AP2A2: variants seen among roughly 807,000 people sequenced by gnomAD.
AP2A2 encodes the protein AP-2 complex subunit alpha-2.
A neutral mutation model predicts 104.2 loss-of-function variants in AP2A2; 32 were observed. The observed-to-expected ratio is 0.31, with a 90% CI of 0.23 to 0.41. The LOEUF (loss-of-function observed/expected upper bound fraction) is 0.41, where lower values mean the gene tolerates loss of function less well. Ranked by LOEUF, AP2A2 falls within the 10% of genes least tolerant of loss-of-function variation. The pLI is 1.00. For missense variants in AP2A2, 912 were observed against 1,261.0 expected, an observed-to-expected ratio of 0.72 and a Z score of 4.19; for synonymous variants, 539 against 533.3, an observed-to-expected ratio of 1.01 and a Z score of -0.15.
chr11:955,620 T>G (rs1463500879), intron 1 of AP2A2, among the ~76,000 whole-genome samples: 1 of 152,198 alleles, frequency 6.6e-6, no homozygotes, highest in African/African-American at 2.4e-5. Flanking sequence ...CCTGGGACAG[T>G]GCTTGGGTCG....
At chr11:971,935 C>A in intron 3 of AP2A2, 127 bp from the exon 4 acceptor site, 1 of 880,544 alleles carries the variant, frequency 1.1e-6, no homozygotes, top group Non-Finnish European at 1.7e-6. Context: ...CACAGCAGTG[C>A]CCTGGGTGCG....
At chr11:943,894 A>G (rs762397046) in intron 1 of AP2A2, among the ~76,000 whole-genome samples, 2 of 148,562 alleles carry the variant, frequency 1.3e-5, no homozygotes, top group Non-Finnish European at 3.0e-5. Context: ...CTGGAGATGC[A>G]GGTGGCAGCG....
rs1855714584 is a variant in AP2A2 at position 993,038 on chromosome 11, C to T, written c.1453-246C>T. Among the ~76,000 whole-genome samples the T allele has an allele frequency of 6.6e-6, 1 of 152,214 alleles. No homozygotes were observed. Among genetic ancestry groups the T allele is most frequent in the Non-Finnish European group, 1.5e-5 (1 of 68,048 alleles). ...CATGAGGACGCTGGCAGAACCTCCC[C>T]AGCCAGAGCCTGTTGTGGATGCTGC... On this transcript the variant is annotated intron_variant, in intron 11 of 21. Coordinates refer to ENST00000448903, the MANE Select transcript of AP2A2 (RefSeq NM_012305.4). The surrounding 1 kb of genome is among the most constrained non-coding windows in gnomAD (Gnocchi z 8.2).
intron 8 of AP2A2, among the ~76,000 whole-genome samples, chr11:985,883 G>A (rs535685819): frequency 1.3e-5 from 2 of 152,230 alleles, no homozygotes; most frequent in African/African-American, 4.8e-5. Flanking sequence ...GAGAGGAGAC[G>A]GGTGGGGTGG....
At chr11:948,327 T>C (rs1853920634) in intron 1 of AP2A2, 1 of 152,226 alleles carries the variant, frequency 6.6e-6, no homozygotes, top group East Asian at 1.9e-4. Flanking sequence ...TGAATAATTG[T>C]GTAACAAAAT....
At chr11:988,776 A>G in intron 10 of AP2A2, 87 bp downstream of exon 10, 1 of 1,519,380 alleles carries the variant, frequency 6.6e-7, no homozygotes, top group South Asian at 1.2e-5. Context: ...GATTCCGTCC[A>G]GCAGGACTTG....
chr11:975,808 A>G (rs1166195863), intron 4 of AP2A2, among the ~76,000 whole-genome samples: 1 of 151,412 alleles, frequency 6.6e-6, no homozygotes, highest in African/African-American at 2.4e-5. Context: ...GTGTGAGCAG[A>G]TGCTGGAAAG....
At chr11:981,389 A>T (rs1415692986) in intron 6 of AP2A2, 90 bp downstream of exon 6, 3 of 1,171,838 alleles carry the variant, frequency 2.6e-6, no homozygotes, top group Non-Finnish European at 3.7e-6. Flanking sequence ...AAGGTATTTG[A>T]TCAGTTTATA....
chr11:937,205 A>G (rs1170227268), intron 1 of AP2A2, among the ~76,000 whole-genome samples: 1 of 151,874 alleles, frequency 6.6e-6, no homozygotes, highest in Non-Finnish European at 1.5e-5. Flanking sequence ...TCTTGAGTAG[A>G]GACGGGGTTT....
intron 18 of AP2A2, 120 bp downstream of exon 18, chr11:1,008,255 CGGT>C: frequency 7.3e-7 from 1 of 1,362,024 alleles, no homozygotes; most frequent in Non-Finnish European, 9.7e-7. Flanking sequence ...CGGGTGCTCA[CGGT>C]GCATGGATGC....
chr11:987,236 G>A (rs371543983), intron 9 of AP2A2, among the ~76,000 whole-genome samples: 14 of 152,252 alleles, frequency 9.2e-5, no homozygotes, highest in Admixed American at 3.3e-4. Flanking sequence ...GCCATCCTGC[G>A]CGTGCATAGT....
chr11:982,000 G>A (rs1564807374), intron 6 of AP2A2, among the ~76,000 whole-genome samples: 1 of 152,286 alleles, frequency 6.6e-6, no homozygotes, highest in Admixed American at 6.5e-5. Flanking sequence ...CGTAGTGCTA[G>A]TCTCTTGGGT....
In AP2A2 at chr11:993,680, C is replaced by T. The variant is rs1590005290; in HGVS notation, c.1551-74C>T. ...GCAGGCCAGGGGGTCTCGCCGCCGT[C>T]CCCCCCCCGCGGGGGCGTGCTGCAG... is the stretch of plus-strand genomic sequence containing the variant. On this transcript the variant is annotated intron_variant, in intron 12 of 21. Coordinates refer to ENST00000448903, the MANE Select transcript of AP2A2 (RefSeq NM_012305.4). This position sits in a 1 kb window ranked among gnomAD's most constrained non-coding sequence, Gnocchi z 8.2. 5.3e-6 allele frequency: 5 copies of T among 952,210 alleles called. No homozygotes were observed. Among genetic ancestry groups the T allele is most frequent in the South Asian group, 1.9e-5 (1 of 51,344 alleles). The allele number at this position is 952,210 out of a possible 1,614,324, so 59.0% of individuals were successfully genotyped here. A position where few individuals can be genotyped will look rare whatever the true frequency, so the allele number is the denominator to read the frequency against.
chr11:931,223 A>T (rs1853282251), intron 1 of AP2A2, among the ~76,000 whole-genome samples: 1 of 152,228 alleles, frequency 6.6e-6, no homozygotes. Context: ...AGCAAAAGAT[A>T]CCGAGAAAAC....
At chr11:978,219 G>C (rs4074231) in intron 5 of AP2A2, among the ~76,000 whole-genome samples, 76,982 of 151,996 alleles carry the variant, frequency 0.51, 20,135 homozygotes, top group Middle Eastern at 0.66. Context: ...CATGGCAGCC[G>C]GTCACTGGGC....
At chr11:945,086 C>G (rs1426888206) in intron 1 of AP2A2, among the ~76,000 whole-genome samples, 2 of 151,902 alleles carry the variant, frequency 1.3e-5, no homozygotes, top group Non-Finnish European at 2.9e-5. Context: ...TCAGGTCTTG[C>G]TAGGCTGATG....
At chr11:1,000,336 G>A (rs1855989104) in intron 14 of AP2A2, 96 bp from the exon 15 acceptor site, 1 of 1,270,460 alleles carries the variant, frequency 7.9e-7, no homozygotes, top group African/African-American at 1.5e-5. Flanking sequence ...TGGATGCCAA[G>A]GGGGTGCCAT....
chr11:935,603 G>GTTTTTTTTTTTTTTTTTTTTTTTCTTT (rs757190222), intron 1 of AP2A2, among the ~76,000 whole-genome samples: 2 of 77,988 alleles, frequency 2.6e-5, no homozygotes, highest in Admixed American at 1.5e-4. Flanking sequence ...TGCCCGGCCA[G>GTTTTTTTTTTTTTTTTTTTTTTTCTTT]TTTTTTTTTT....
chr11:978,351 C>G (rs779936117), intron 5 of AP2A2, among the ~76,000 whole-genome samples: 8 of 152,196 alleles, frequency 5.3e-5, no homozygotes, highest in Non-Finnish European at 1.0e-4. Context: ...GTTTCCATGG[C>G]CATGCAGCCG....
Sources: gnomAD v4.1 joint callset for allele counts (sites outside exome capture counted in the v4.1 genomes callset) on GRCh38, gnomAD v4.1.1 for gene constraint, Gnocchi (gnomAD v3.1) non-coding constraint, MANE v1.5 for transcripts, NCBI Gene and HGNC (gene_info 2026-07-23, HGNC 2026-07-21) for gene names.